The following WWOX variants were observed in gnomAD, a reference collection of about 807,000 sequenced individuals.
The protein encoded by WWOX is WW domain-containing oxidoreductase.
A neutral mutation model predicts 46.2 loss-of-function variants in WWOX; 69 were observed. The ratio of observed to expected loss-of-function variants is 1.49; its 90% confidence interval spans 1.23 to 1.82. WWOX has a LOEUF of 1.82. WWOX is among the 40% of genes most tolerant of loss of function. WWOX has a pLI of 0.00. For synonymous variants in WWOX, 359 were observed against 202.6 expected, an observed-to-expected ratio of 1.77 and a Z score of -6.56; for missense variants, 919 against 542.6, an observed-to-expected ratio of 1.69 and a Z score of -6.89.
intron 7 of WWOX, among the ~76,000 whole-genome samples, chr16:78,425,258 G>T (rs4129722): frequency 6.6e-6 from 1 of 151,912 alleles, no homozygotes; most frequent in African/African-American, 2.4e-5. Flanking sequence ...TCTAGAGCAA[G>T]GAAGATTGTT....
chr16:79,144,525 A>G (rs769432207), intron 8 of WWOX, among the ~76,000 whole-genome samples: 7 of 152,034 alleles, frequency 4.6e-5, no homozygotes, highest in South Asian at 2.1e-4. Context: ...TTTCTACTCT[A>G]TTTCAGCTTC....
At chr16:79,195,166 T>C (rs2051214091) in intron 8 of WWOX, among the ~76,000 whole-genome samples, 1 of 152,004 alleles carries the variant, frequency 6.6e-6, no homozygotes, top group African/African-American at 2.4e-5. Flanking sequence ...CCCCCAGCTA[T>C]TGTTTGTTGT....
At chr16:78,806,628 G>C (rs1042627164) in intron 8 of WWOX, among the ~76,000 whole-genome samples, 1 of 152,050 alleles carries the variant, frequency 6.6e-6, no homozygotes, top group African/African-American at 2.4e-5. Flanking sequence ...TATGGCGGCT[G>C]GGTTCCAAGG....
intron 8 of WWOX, among the ~76,000 whole-genome samples, chr16:79,163,795 CAAAAA>C (rs66922536): frequency 1.1e-4 from 11 of 102,240 alleles, no homozygotes; most frequent in Non-Finnish European, 1.6e-4. Context: ...AACTCCACCT[CAAAAA>C]AAAAAAAAAA....
chr16:79,019,613 CG>C (rs916135391), intron 8 of WWOX, among the ~76,000 whole-genome samples: 2 of 151,838 alleles, frequency 1.3e-5, no homozygotes, highest in African/African-American at 2.4e-5. Flanking sequence ...TGGTATCCTG[CG>C]TATCTGTGAG....
At chr16:78,776,181 G>C (rs1471537036) in intron 8 of WWOX, among the ~76,000 whole-genome samples, 1 of 152,130 alleles carries the variant, frequency 6.6e-6, no homozygotes. Flanking sequence ...CATCTCAGAA[G>C]GATGTTTTCC....
chr16:78,637,870 G>A (rs1219563437), intron 8 of WWOX, among the ~76,000 whole-genome samples: 1 of 152,098 alleles, frequency 6.6e-6, no homozygotes, highest in Non-Finnish European at 1.5e-5. Flanking sequence ...GAACGCAGAG[G>A]GGGACCTCTG....
At chr16:78,557,418 G>C (rs1365987757) in intron 8 of WWOX, among the ~76,000 whole-genome samples, 2 of 152,120 alleles carry the variant, frequency 1.3e-5, no homozygotes, top group Non-Finnish European at 2.9e-5. Flanking sequence ...GCAGATGTTA[G>C]CACGTGCAGG....
intron 8 of WWOX, among the ~76,000 whole-genome samples, chr16:78,977,061 C>G (rs760703158): frequency 6.6e-6 from 1 of 152,190 alleles, no homozygotes; most frequent in Non-Finnish European, 1.5e-5. Context: ...GGCTCACGCA[C>G]ACGTCAACAC....
At chr16:78,811,683 TC>T (rs1272870626) in intron 8 of WWOX, among the ~76,000 whole-genome samples, 10 of 152,012 alleles carry the variant, frequency 6.6e-5, no homozygotes, top group African/African-American at 2.4e-4. Context: ...CTTGTCCTCT[TC>T]TTATAAGGCT....
intron 8 of WWOX, among the ~76,000 whole-genome samples, chr16:79,031,619 T>TTTTAA (rs2047755975): frequency 6.6e-6 from 1 of 151,798 alleles, no homozygotes; most frequent in African/African-American, 2.4e-5. Context: ...CTTTATTTAT[T>TTTTAA]TTTAAAATTG....
At chr16:78,658,105 C>T (rs944430257) in intron 8 of WWOX, among the ~76,000 whole-genome samples, 31 of 152,194 alleles carry the variant, frequency 2.0e-4, no homozygotes, top group African/African-American at 7.2e-4. Flanking sequence ...GGCCTCTACC[C>T]ACTAGATGCC....
chr16:78,631,055 TA>T (rs2046416700), intron 8 of WWOX, among the ~76,000 whole-genome samples: 1 of 152,210 alleles, frequency 6.6e-6, no homozygotes, highest in African/African-American at 2.4e-5. Context: ...TTAGGTATTA[TA>T]AGTAATCTAG....
At chr16:78,150,789 GA>G (rs1291884263) in intron 4 of WWOX, among the ~76,000 whole-genome samples, 1 of 152,184 alleles carries the variant, frequency 6.6e-6, no homozygotes, top group African/African-American at 2.4e-5. Context: ...CCAAGGCGGG[GA>G]ATGTGGGGGT....
chr16:78,992,438 G>C (rs1391766914), intron 8 of WWOX, among the ~76,000 whole-genome samples: 1 of 152,192 alleles, frequency 6.6e-6, no homozygotes, highest in Non-Finnish European at 1.5e-5. Flanking sequence ...CTGCACTCCA[G>C]CCTGGGCAAA....
chr16:78,510,797 AAC>A (rs2085342609), intron 8 of WWOX, among the ~76,000 whole-genome samples: 1 of 152,220 alleles, frequency 6.6e-6, no homozygotes, highest in Non-Finnish European at 1.5e-5. Context: ...GTGTTTGTTA[AAC>A]ATTTACCACA....
At chr16:78,455,769 T>A (rs1214049990) in intron 8 of WWOX, among the ~76,000 whole-genome samples, 1 of 147,248 alleles carries the variant, frequency 6.8e-6, no homozygotes, top group African/African-American at 2.6e-5. Flanking sequence ...GAATTTGTAA[T>A]GATGCCTGGG....
At chr16:78,826,300 C>G (rs894949049) in intron 8 of WWOX, among the ~76,000 whole-genome samples, 1 of 152,146 alleles carries the variant, frequency 6.6e-6, no homozygotes, top group Non-Finnish European at 1.5e-5. Flanking sequence ...GAGCCAAGAT[C>G]GTGCCATTGC....
At chr16:78,906,369 G>A (rs1227624903) in intron 8 of WWOX, among the ~76,000 whole-genome samples, 1 of 152,128 alleles carries the variant, frequency 6.6e-6, no homozygotes, top group African/African-American at 2.4e-5. Context: ...TCTTTGATAT[G>A]CAAATATAGC....
Sources: gnomAD v4.1 joint callset for allele counts (sites outside exome capture counted in the v4.1 genomes callset) on GRCh38, gnomAD v4.1.1 for gene constraint, MANE v1.5 for transcripts, NCBI Gene and HGNC (gene_info 2026-07-23, HGNC 2026-07-21) for gene names.